Variants in MSRA observed in about 807,000 individuals in gnomAD.
The protein encoded by MSRA is mitochondrial peptide methionine sulfoxide reductase.
A neutral mutation model predicts 31.3 loss-of-function variants in MSRA; 54 were observed. The observed-to-expected ratio is 1.73, with a 90% CI of 1.39 to 2.17. MSRA has a LOEUF of 2.17. Ranked by LOEUF, MSRA falls within the 30% of genes most tolerant of loss-of-function variation. The pLI, the probability that MSRA is intolerant of heterozygous loss-of-function variation, is 0.00. For missense variants in MSRA, 507 were observed against 300.9 expected, an observed-to-expected ratio of 1.69 and a Z score of -5.07; for synonymous variants, 169 against 116.5, an observed-to-expected ratio of 1.45 and a Z score of -2.90.
chr8:10,088,960 A>G (rs1473135719), intron 1 of MSRA, among the ~76,000 whole-genome samples: 1 of 152,238 alleles, frequency 6.6e-6, no homozygotes, highest in African/African-American at 2.4e-5. Flanking sequence ...CACGTAGAGA[A>G]TAAAGCAGTG....
At chr8:10,378,224 C>G (rs1805862313) in intron 5 of MSRA, among the ~76,000 whole-genome samples, 1 of 152,164 alleles carries the variant, frequency 6.6e-6, no homozygotes, top group African/African-American at 2.4e-5. Context: ...ACACAGAAAG[C>G]TGACATTAGA....
chr8:10,113,289 C>CCT (rs1554447231), intron 1 of MSRA, among the ~76,000 whole-genome samples: 1 of 50,898 alleles, frequency 2.0e-5, no homozygotes, highest in African/African-American at 1.1e-4. Context: ...GAAGACAGGT[C>CCT]TTCTTTTTTT....
chr8:10,262,099 T>G (rs1281603442), intron 3 of MSRA, among the ~76,000 whole-genome samples: 3 of 152,250 alleles, frequency 2.0e-5, no homozygotes, highest in Admixed American at 2.0e-4. Flanking sequence ...TGTTTGGAGG[T>G]ACCATAGGTT....
intron 5 of MSRA, among the ~76,000 whole-genome samples, chr8:10,389,740 CTTT>C (rs35603997): frequency 7.3e-5 from 8 of 109,266 alleles, no homozygotes; most frequent in African/African-American, 2.5e-4. Context: ...CAGAAGCTTG[CTTT>C]TTTTTTTTTT....
chr8:10,227,658 A>G (rs893931871), intron 2 of MSRA, among the ~76,000 whole-genome samples: 1 of 152,226 alleles, frequency 6.6e-6, no homozygotes, highest in East Asian at 1.9e-4. Context: ...TGGAGTGTAC[A>G]CGTGCATATG....
At chr8:10,306,882 G>C (rs936501111) in intron 4 of MSRA, among the ~76,000 whole-genome samples, 7 of 152,120 alleles carry the variant, frequency 4.6e-5, no homozygotes, top group African/African-American at 1.7e-4. Flanking sequence ...CTCAGTCCTG[G>C]AGCAAGGGAG....
chr8:10,249,354 G>T (rs1173054357), intron 3 of MSRA, among the ~76,000 whole-genome samples: 1 of 152,034 alleles, frequency 6.6e-6, no homozygotes, highest in Non-Finnish European at 1.5e-5. Context: ...AGTTAACCTC[G>T]GGCTGAGTTA....
At chr8:10,088,003 C>T (rs28533476) in intron 1 of MSRA, among the ~76,000 whole-genome samples, 9,705 of 152,084 alleles carry the variant, frequency 0.064, 1,013 homozygotes, top group African/African-American at 0.22. Context: ...TGATCTAGGA[C>T]CTCACCTGCT....
In MSRA at chr8:10,210,755, A is replaced by T. The variant is rs188422515; in HGVS notation, c.211+2854A>T. On this transcript the variant is annotated intron_variant, in intron 2 of 5. Coordinates refer to ENST00000317173, the MANE Select transcript of MSRA (RefSeq NM_012331.5). Reference sequence around the variant, plus strand: ...TAATGTCATTTTTTTTTTTTTTGAGATGGTGTCTTACTCTGTTGCCCATGC... The same window carrying T: ...TAATGTCATTTTTTTTTTTTTTGAGTTGGTGTCTTACTCTGTTGCCCATGC... Among the ~76,000 whole-genome samples, 79 of 146,912 alleles carry T rather than the reference A, an allele frequency of 5.4e-4. No homozygotes were observed. The East Asian group carries it at 0.015, about 28-fold the overall frequency.
chr8:10,307,000 CTT>C (rs1212677949), intron 4 of MSRA, among the ~76,000 whole-genome samples: 2 of 152,166 alleles, frequency 1.3e-5, no homozygotes, highest in Non-Finnish European at 2.9e-5. Context: ...GGATCATTGT[CTT>C]TGCTTAGCAG....
chr8:10,233,501 A>C (rs2975730), intron 2 of MSRA, among the ~76,000 whole-genome samples: 1 of 152,186 alleles, frequency 6.6e-6, no homozygotes, highest in African/African-American at 2.4e-5. Context: ...AAAATAGGCA[A>C]AATAAAAGAA....
At chr8:10,297,353 G>C (rs1800601595) in intron 3 of MSRA, among the ~76,000 whole-genome samples, 1 of 152,194 alleles carries the variant, frequency 6.6e-6, no homozygotes, top group South Asian at 2.1e-4. Context: ...TTTTTGAACA[G>C]CAACGTTAAA....
chr8:10,070,202 T>C lies in MSRA; in HGVS notation c.142+15544T>C, dbSNP rs1797661734. On this transcript the variant is annotated intron_variant, in intron 1 of 5. Transcript: ENST00000317173. ...CTATCAAGGGAGCAAAAATGTCCTA[T>C]GGGTCTTTGATCTTTGCCAGTGCAT... 2.0e-5 allele frequency among the ~76,000 whole-genome samples: 3 copies of C among 152,236 alleles called. No homozygotes were observed. The South Asian group carries it at 6.2e-4, about 32-fold the overall frequency.
intron 2 of MSRA, among the ~76,000 whole-genome samples, chr8:10,243,614 T>C (rs1298437377): frequency 6.6e-6 from 1 of 152,190 alleles, no homozygotes; most frequent in Non-Finnish European, 1.5e-5. Flanking sequence ...TTTTTATTCT[T>C]AAAGTAATAG....
chr8:10,128,061 T>A (rs551593445), intron 1 of MSRA, among the ~76,000 whole-genome samples: 1 of 152,240 alleles, frequency 6.6e-6, no homozygotes, highest in Admixed American at 6.5e-5. Flanking sequence ...TGTCTCCTTC[T>A]ATTTTTCAAG....
intron 1 of MSRA, among the ~76,000 whole-genome samples, chr8:10,113,178 G>C (rs1034036406): frequency 3.9e-5 from 6 of 152,022 alleles, no homozygotes; most frequent in African/African-American, 1.4e-4. Context: ...GAATGTGCTG[G>C]AAGACAGGAG....
chr8:10,309,049 T>C (rs1251286409), intron 4 of MSRA, among the ~76,000 whole-genome samples: 5 of 152,242 alleles, frequency 3.3e-5, no homozygotes, highest in East Asian at 1.9e-4. Context: ...GCTGAAGATA[T>C]CGTCCTCAGA....
intron 3 of MSRA, among the ~76,000 whole-genome samples, chr8:10,288,787 T>C (rs1401327071): frequency 2.0e-5 from 3 of 152,246 alleles, no homozygotes; most frequent in Non-Finnish European, 4.4e-5. Context: ...GAGCTATTTG[T>C]AAATAATGTA....
chr8:10,118,228 G>A (rs1261386935), intron 1 of MSRA, among the ~76,000 whole-genome samples: 1 of 152,132 alleles, frequency 6.6e-6, no homozygotes, highest in Non-Finnish European at 1.5e-5. Context: ...ATCAGTCACT[G>A]GAGTATATCC....
Sources: allele counts gnomAD v4.1 joint callset (sites outside exome capture counted in the v4.1 genomes callset), GRCh38; gene constraint gnomAD v4.1.1; transcripts MANE v1.5; gene names NCBI Gene and HGNC (gene_info 2026-07-23, HGNC 2026-07-21).